The following PGBD5 variants were observed in gnomAD, a reference collection of about 807,000 sequenced individuals.
The protein encoded by PGBD5 is piggyBac transposable element-derived protein 5.
A neutral mutation model predicts 47.9 loss-of-function variants in PGBD5; 14 were observed. The observed-to-expected ratio is 0.29, with a 90% CI of 0.19 to 0.46. The LOEUF (loss-of-function observed/expected upper bound fraction) is 0.46. Among genes scored for constraint, PGBD5 ranks in the 20% least tolerant of loss-of-function variants. PGBD5 has a pLI of 1.00. For synonymous variants in PGBD5, 316 were observed against 306.3 expected, an observed-to-expected ratio of 1.03 and a Z score of -0.33; for missense variants, 635 against 716.0, an observed-to-expected ratio of 0.89 and a Z score of 1.29.
Position 230,425,120 on chromosome 1 carries a change from A to G in PGBD5, c.331+478T>C, listed in dbSNP as rs1571869466. ...GACGCCGCGGGTGGCCTCTCTCTCA[A>G]CTCTCACTGGGCCAACTCCTACCTG... On this transcript the variant is annotated intron_variant, in intron 1 of 6. Transcript: ENST00000391860. The surrounding 1 kb of genome is among the most constrained non-coding windows in gnomAD (Gnocchi z 4.7). Among the ~76,000 whole-genome samples, 1 of 151,412 alleles carries G rather than the reference A, an allele frequency of 6.6e-6. No homozygotes were observed. Among genetic ancestry groups the G allele is most frequent in the African/African-American group, 2.4e-5 (1 of 41,158 alleles).
At chr1:230,423,404 G>A (rs919660779) in intron 1 of PGBD5, among the ~76,000 whole-genome samples, 1 of 152,272 alleles carries the variant, frequency 6.6e-6, no homozygotes, top group East Asian at 1.9e-4. Context: ...CACGCTTGTC[G>A]TAGCGTTTTA....
chr1:230,382,436 GA>G (rs1656526631), intron 1 of PGBD5, among the ~76,000 whole-genome samples: 1 of 152,210 alleles, frequency 6.6e-6, no homozygotes, highest in African/African-American at 2.4e-5. Context: ...GTGAGCACCT[GA>G]ACTGCACTGA....
At chr1:230,398,799 TC>T (rs1657065199) in intron 1 of PGBD5, among the ~76,000 whole-genome samples, 1 of 148,650 alleles carries the variant, frequency 6.7e-6, no homozygotes, top group Non-Finnish European at 1.5e-5. Context: ...TTGCTCTCAG[TC>T]CTCAGCACCA....
chr1:230,393,681 C>T (rs1018538579), intron 1 of PGBD5, among the ~76,000 whole-genome samples: 4 of 152,004 alleles, frequency 2.6e-5, no homozygotes, highest in African/African-American at 4.8e-5. Flanking sequence ...AAAAATTAGC[C>T]GGGCGCAGTG....
At chr1:230,337,434 G>A in intron 3 of PGBD5, 146 bp from the exon 4 acceptor site, 2 of 825,610 alleles carry the variant, frequency 2.4e-6, no homozygotes, top group South Asian at 3.8e-5. Flanking sequence ...AGCTCACAGG[G>A]ACTCTAGGTC....
At chr1:230,363,748 A>G (rs996532195) in intron 1 of PGBD5, among the ~76,000 whole-genome samples, 1 of 152,214 alleles carries the variant, frequency 6.6e-6, no homozygotes, top group African/African-American at 2.4e-5. Context: ...AATATTTTAA[A>G]TGAAGGGCTT....
intron 1 of PGBD5, among the ~76,000 whole-genome samples, chr1:230,419,033 T>C (rs574843370): frequency 1.3e-5 from 2 of 152,364 alleles, no homozygotes; most frequent in Admixed American, 1.3e-4. Flanking sequence ...AGTGAACAAT[T>C]TGACCCAGCC....
intron 3 of PGBD5, among the ~76,000 whole-genome samples, chr1:230,345,694 A>G (rs1667464304): frequency 6.6e-6 from 1 of 152,234 alleles, no homozygotes. Flanking sequence ...ATGCTGTGCA[A>G]TGCTGGGTGG....
At chr1:230,415,615 G>T (rs1237138480) in intron 1 of PGBD5, among the ~76,000 whole-genome samples, 1 of 152,168 alleles carries the variant, frequency 6.6e-6, no homozygotes, top group Non-Finnish European at 1.5e-5. Flanking sequence ...TGCCCATGTG[G>T]GTCTCTCTTC....
chr1:230,359,212 C>T (rs1667705432), intron 1 of PGBD5, among the ~76,000 whole-genome samples: 1 of 152,114 alleles, frequency 6.6e-6, no homozygotes, highest in Non-Finnish European at 1.5e-5. Flanking sequence ...CAGATGCCCG[C>T]CACCACGCCT....
intron 1 of PGBD5, among the ~76,000 whole-genome samples, chr1:230,395,611 C>T (rs544982540): frequency 4.0e-4 from 6 of 14,982 alleles, no homozygotes; most frequent in African/African-American, 2.3e-3. Context: ...TCTCCTCATG[C>T]TCCTCCCCAT....
intron 3 of PGBD5, among the ~76,000 whole-genome samples, chr1:230,350,738 G>A (rs1265806495): frequency 6.6e-6 from 1 of 152,176 alleles, no homozygotes; most frequent in Non-Finnish European, 1.5e-5. Context: ...CAGGGAACGG[G>A]GCCAGGGGTG....
intron 6 of PGBD5, 76 bp downstream of exon 6, chr1:230,325,234 T>C: frequency 9.3e-7 from 1 of 1,070,384 alleles, no homozygotes; most frequent in Non-Finnish European, 1.4e-6. Context: ...AAACTAGTGA[T>C]CATCTGCCAT....
intron 4 of PGBD5, 110 bp downstream of exon 4, chr1:230,336,998 T>A: frequency 8.2e-7 from 1 of 1,212,390 alleles, no homozygotes. Context: ...TCACCTGGCA[T>A]CCTGTGGTTT....
chr1:230,420,519 T>A (rs554826451), intron 1 of PGBD5, among the ~76,000 whole-genome samples: 27 of 152,268 alleles, frequency 1.8e-4, no homozygotes, highest in African/African-American at 6.5e-4. Context: ...CAGGTGGAGA[T>A]AACTGAATCA....
intron 1 of PGBD5, among the ~76,000 whole-genome samples, chr1:230,424,482 C>G (rs915235446): frequency 6.6e-6 from 1 of 152,214 alleles, no homozygotes; most frequent in African/African-American, 2.4e-5. Context: ...TCCAGCTAAC[C>G]CTACCGGCCT....
rs565076280 is a variant in PGBD5 at position 230,414,090 on chromosome 1, C to T, written c.331+11508G>A. On this transcript the variant is annotated intron_variant, in intron 1 of 6. Transcript: ENST00000391860. ...GACTTAGGTTAGTCGTTTGGGATTA[C>T]GAACATTGGATCACTCTTAGGAGCC... Among the ~76,000 whole-genome samples the T allele has an allele frequency of 9.2e-5, 14 of 152,266 alleles. 1 individual carries two copies. The highest frequency in any genetic ancestry group is 2.9e-4 in the African/African-American group (12 of 41,550).
At position 230,323,673 on chromosome 1, in the gene PGBD5, G is replaced by A; in HGVS notation, c.1380-53C>T. ...GACCCGATGGTTCATGGCACCCGGA[G>A]ATGCATCCCAAAGGCCCCCCCTCAC... On this transcript the variant is annotated intron_variant, in intron 6 of 6. Transcript: ENST00000391860. This position sits in a 1 kb window ranked among gnomAD's most constrained non-coding sequence, Gnocchi z 4.1. 6.6e-7 allele frequency: 1 copy of A among 1,522,708 alleles called. No individual in the cohort carries two copies. The highest frequency in any genetic ancestry group is 8.9e-7 in the Non-Finnish European group (1 of 1,126,864). 94.3% of individuals were successfully genotyped at this position (1,522,708 alleles called of 1,614,324 possible).
intron 1 of PGBD5, among the ~76,000 whole-genome samples, chr1:230,367,602 G>A (rs1667856671): frequency 1.3e-5 from 2 of 152,194 alleles, no homozygotes; most frequent in Admixed American, 1.3e-4. Flanking sequence ...AGAGGCTGAG[G>A]TGGGAGGACT....
Sources: allele counts gnomAD v4.1 joint callset (sites outside exome capture counted in the v4.1 genomes callset), GRCh38; gene constraint gnomAD v4.1.1; non-coding constraint Gnocchi (gnomAD v3.1); transcripts MANE v1.5; gene names NCBI Gene and HGNC (gene_info 2026-07-23, HGNC 2026-07-21).